The following ZC3H4 variants were observed in gnomAD, a reference collection of about 807,000 sequenced individuals.
ZC3H4 encodes the protein zinc finger CCCH-type containing 4.
ZC3H4 carries 13 observed loss-of-function variants against 108.3 expected under a neutral mutation model. The observed-to-expected ratio is 0.12, with a 90% CI of 0.08 to 0.19. The LOEUF (loss-of-function observed/expected upper bound fraction) is 0.19. ZC3H4 is among the 10% of genes least tolerant of loss of function. ZC3H4 has a pLI of 1.00. For synonymous variants in ZC3H4, 917 were observed against 749.6 expected, an observed-to-expected ratio of 1.22 and a Z score of -3.65; for missense variants, 1,734 against 1,838.8, an observed-to-expected ratio of 0.94 and a Z score of 1.04.
chr19:47,100,325 C>T (rs962960050), intron 2 of ZC3H4, among the ~76,000 whole-genome samples: 2 of 152,124 alleles, frequency 1.3e-5, no homozygotes, highest in African/African-American at 2.4e-5. Context: ...GTCCTTACTA[C>T]CTAGGTTCAT....
intron 2 of ZC3H4, among the ~76,000 whole-genome samples, chr19:47,095,671 A>G (rs2057808663): frequency 6.6e-6 from 1 of 152,216 alleles, no homozygotes; most frequent in Non-Finnish European, 1.5e-5. Flanking sequence ...AATTGGGTTC[A>G]GGAGGGGGAG....
chr19:47,091,803 G>T (rs1020411377), intron 4 of ZC3H4, among the ~76,000 whole-genome samples: 1 of 151,406 alleles, frequency 6.6e-6, no homozygotes. Context: ...TGAGGCAGGA[G>T]AATCGCTTGA....
At position 47,067,497 on chromosome 19, in the gene ZC3H4, T is replaced by C; in HGVS notation, c.2771A>G (p.Glu924Gly). Residue 924 changes from glutamate (E) to glycine (G), a missense_variant, in exon 15 of 15, where the codon GAG becomes GGG. By Grantham distance (98) the Glu-to-Gly change is moderately conservative. Coordinates refer to ENST00000253048, the MANE Select transcript of ZC3H4 (RefSeq NM_015168.2). The surrounding 1 kb of genome is among the most constrained non-coding windows in gnomAD (Gnocchi z 6.4). ...CAGGGCCCGCTCCCCTTCCTCCTCC[T>C]CCGTTGGGGGCGGCCCAGACCCCTT... ...SSKGSGPPPT[E>G]EEEGERALRE... 1 of 1,584,132 alleles carries C rather than the reference T, an allele frequency of 6.3e-7. No individual in the cohort carries two copies. The highest frequency in any genetic ancestry group is 2.2e-5 in the East Asian group (1 of 44,554).
At chr19:47,092,252 G>A (rs748435531) in intron 4 of ZC3H4, among the ~76,000 whole-genome samples, 1 of 152,046 alleles carries the variant, frequency 6.6e-6, no homozygotes, top group African/African-American at 2.4e-5. Context: ...TAAAAAATCC[G>A]AATTATAGAA....
At chr19:47,076,853 C>T (rs1355481187) in intron 11 of ZC3H4, among the ~76,000 whole-genome samples, 4 of 151,944 alleles carry the variant, frequency 2.6e-5, no homozygotes, top group Non-Finnish European at 5.9e-5. Context: ...ATTAGCCGGG[C>T]GTGGTGGCAC....
intron 5 of ZC3H4, among the ~76,000 whole-genome samples, chr19:47,088,323 GGATCACGAGGTCGAGA>G (rs1568552535): frequency 6.6e-6 from 1 of 151,552 alleles, no homozygotes; most frequent in African/African-American, 2.4e-5. Context: ...CGAGGTAGGC[GGATCACGAGGTCGAGA>G]GATCGAGACC....
chr19:47,111,911 AC>A (rs573534654), intron 2 of ZC3H4, among the ~76,000 whole-genome samples: 1 of 151,800 alleles, frequency 6.6e-6, no homozygotes, highest in African/African-American at 2.4e-5. Flanking sequence ...GGGCTGGGAG[AC>A]CCCCAACCCC....
rs760869626 is a variant in ZC3H4, at chr19:47,067,340, G to T, written c.2928C>A (p.Thr976=). ...TCAGGTCCTCGGGATTCCAGAGCAC[G>T]GTGCGGGCGAAGCTGGGCTTGCTCA... is the stretch of plus-strand genomic sequence containing the variant. The part of the protein sequence containing the change: ...VTLSKPSFAR[T]VLWNPEDLIP... The change falls in exon 15 of 15, where the codon ACC becomes ACA. Residue 976 remains threonine, a synonymous_variant. Coordinates refer to ENST00000253048, the MANE Select transcript of ZC3H4 (RefSeq NM_015168.2). This position sits in a 1 kb window ranked among gnomAD's most constrained non-coding sequence, Gnocchi z 6.4. 6.2e-7 allele frequency: 1 copy of T among 1,602,260 alleles called. No homozygotes were observed. Among genetic ancestry groups the T allele is most frequent in the East Asian group, 2.2e-5 (1 of 44,708 alleles).
In ZC3H4 at chr19:47,066,856, C is replaced by A. The variant is rs755947831; in HGVS notation, c.3412G>T (p.Gly1138Trp). The change falls in exon 15 of 15, where the codon GGG becomes TGG. Residue 1138 changes from glycine to tryptophan, a missense_variant. Gly to Trp is a radical substitution (Grantham distance 184). Transcript: ENST00000253048. ...AGGLGQGGGG[G>W]QSSVLSGISL... ...ATACCGCTCAGCACACTGCTCTGCC[C>A]GCCCCCTCCGCCCTGGCCCAGTCCA... is the stretch of plus-strand genomic sequence containing the variant. 6.3e-7 allele frequency: 1 copy of A among 1,598,544 alleles called. No homozygotes were observed. Among genetic ancestry groups the A allele is most frequent in the Non-Finnish European group, 8.5e-7 (1 of 1,179,134 alleles).
chr19:47,110,367 G>T (rs895463489), intron 2 of ZC3H4, among the ~76,000 whole-genome samples: 1 of 152,150 alleles, frequency 6.6e-6, no homozygotes, highest in African/African-American at 2.4e-5. Flanking sequence ...AGGATGCCAA[G>T]GGTCTGAAAA....
chr19:47,098,989 T>A (rs1213072075), intron 2 of ZC3H4, among the ~76,000 whole-genome samples: 1 of 152,116 alleles, frequency 6.6e-6, no homozygotes, highest in Non-Finnish European at 1.5e-5. Flanking sequence ...CAGCAGCACC[T>A]ATCTCAAGGG....
At chr19:47,089,295 G>A (rs930302871) in intron 5 of ZC3H4, among the ~76,000 whole-genome samples, 20 of 151,114 alleles carry the variant, frequency 1.3e-4, no homozygotes, top group Middle Eastern at 3.4e-3. Context: ...GAGAACCCCT[G>A]CACTGGAAGA....
Position 47,065,194 on chromosome 19 carries a change from C to A in ZC3H4, c.*1162G>T, listed in dbSNP as rs906557128. On this transcript the variant is annotated 3_prime_UTR_variant, in exon 15 of 15. Transcript: ENST00000253048. The stretch of plus-strand genomic sequence containing the variant: ...GGAGCAGAGGCTCCCCATCCCCTGG[C>A]TGCAGGGTTCCCACTCAGTCCGTTT... 3.9e-5 allele frequency: 6 copies of A among 152,270 alleles called. No homozygotes were observed. Among genetic ancestry groups the A allele is most frequent in the African/African-American group, 1.4e-4 (6 of 41,464 alleles). The allele number at this position is 152,270 out of a possible 1,614,324, so 9.4% of individuals were successfully genotyped here.
At chr19:47,100,174 G>C in intron 2 of ZC3H4, among the ~76,000 whole-genome samples, 1 of 152,150 alleles carries the variant, frequency 6.6e-6, no homozygotes, top group East Asian at 1.9e-4. Context: ...ATTCAGCTCA[G>C]GGCTCATGCC....
intron 2 of ZC3H4, among the ~76,000 whole-genome samples, chr19:47,111,347 G>A (rs1394392787): frequency 1.3e-5 from 2 of 152,246 alleles, no homozygotes; most frequent in African/African-American, 4.8e-5. Context: ...AGCCAGAGAA[G>A]GGCGTGGGGG....
At chr19:47,082,326 G>A (rs189075562) in intron 9 of ZC3H4, 31 bp from the exon 10 acceptor site, 12 of 1,538,148 alleles carry the variant, frequency 7.8e-6, no homozygotes, top group Non-Finnish European at 1.1e-5. Flanking sequence ...ACATAAGGTG[G>A]TGGCGTGGGA....
intron 2 of ZC3H4, among the ~76,000 whole-genome samples, chr19:47,098,708 G>A (rs573053763): frequency 2.6e-5 from 4 of 152,284 alleles, no homozygotes; most frequent in African/African-American, 9.6e-5. Context: ...AGATTGCAGT[G>A]AGCCAAGATC....
In ZC3H4 at chr19:47,090,171, G is replaced by A. The variant is rs757609601; in HGVS notation, c.511C>T (p.Pro171Ser). 51 of 1,614,222 alleles carry A rather than the reference G, an allele frequency of 3.2e-5. 1 individual carries two copies. The South Asian group carries it at 5.3e-4, about 17-fold the overall frequency. The change falls in exon 5 of 15, where the codon CCA (proline) becomes TCA (serine). Residue 171 changes from proline (P) to serine (S), a missense_variant. Pro to Ser is a moderately conservative substitution (Grantham distance 74). Around this residue, in one of 9 missense-constraint regions of ZC3H4, gnomAD observed 403 missense variants for 457.0 expected, o/e 0.88. Coordinates refer to ENST00000253048, the MANE Select transcript of ZC3H4 (RefSeq NM_015168.2). The stretch of plus-strand genomic sequence containing the variant: ...TTGGGCAGGGGCGTGGCATGCGATG[G>A]GGGGTACTGCTGGTGGGACTGCGTC... ...PYAPSHQQYP[P>S]SHATPLPKKA...
chr19:47,092,982 C>T (rs1268841448), intron 4 of ZC3H4, among the ~76,000 whole-genome samples: 12 of 151,812 alleles, frequency 7.9e-5, no homozygotes, highest in Non-Finnish European at 1.2e-4. Flanking sequence ...TTTGAGAGGC[C>T]GAGGCAGGCG....
Sources: allele counts gnomAD v4.1 joint callset (sites outside exome capture counted in the v4.1 genomes callset), GRCh38; gene constraint gnomAD v4.1.1; regional missense constraint gnomAD v4.1.1; non-coding constraint Gnocchi (gnomAD v3.1); transcripts MANE v1.5; gene names NCBI Gene and HGNC (gene_info 2026-07-23, HGNC 2026-07-21).